The following TXNRD1 variants were observed in gnomAD, a reference collection of about 807,000 sequenced individuals.
TXNRD1 encodes the protein thioredoxin reductase 1, cytoplasmic.
Under a neutral mutation model 80.3 loss-of-function variants are expected in TXNRD1, and 57 were observed. That is an observed-to-expected ratio of 0.71 (90% CI 0.57 to 0.89). TXNRD1 has a LOEUF of 0.89. Among genes scored for constraint, TXNRD1 ranks in the 40% least tolerant of loss-of-function variants. The pLI, the probability that TXNRD1 is intolerant of heterozygous loss-of-function variation, is 0.00. For synonymous variants in TXNRD1, 291 were observed against 285.2 expected (o/e 1.02, Z -0.20); for missense variants, 730 against 803.0 (o/e 0.91, Z 1.10).
chr12:104,252,662 T>TCTATATATATATATATA (rs756948232), intron 2 of TXNRD1, among the ~76,000 whole-genome samples: 1 of 45,820 alleles, frequency 2.2e-5, no homozygotes, highest in African/African-American at 8.5e-5. Flanking sequence ...TTATTATTTT[T>TCTATATATATATATATA]TATATATATA....
intron 3 of TXNRD1, among the ~76,000 whole-genome samples, chr12:104,281,702 G>A (rs528063451): frequency 3.2e-4 from 48 of 151,768 alleles, no homozygotes; most frequent in East Asian, 9.7e-4. Context: ...CACCGAGCCC[G>A]GCCATATCTC....
chr12:104,253,520 G>A (rs926243505), intron 2 of TXNRD1, among the ~76,000 whole-genome samples: 1 of 152,150 alleles, frequency 6.6e-6, no homozygotes, highest in Non-Finnish European at 1.5e-5. Context: ...GAATTTAGAA[G>A]AGGGCTGGGC....
chr12:104,280,330 T>C (rs1478713541), intron 3 of TXNRD1: 1 of 152,242 alleles, frequency 6.6e-6, no homozygotes, highest in African/African-American at 2.4e-5. Context: ...TCTTCCTTTT[T>C]GGAGCACTTC....
chr12:104,233,660 T>G (rs1020708255), intron 1 of TXNRD1, among the ~76,000 whole-genome samples: 4 of 152,306 alleles, frequency 2.6e-5, no homozygotes, highest in African/African-American at 9.6e-5. Context: ...TAGCTGGGAT[T>G]ACAGGTGCCA....
chr12:104,330,901 T>A (rs572088162), intron 13 of TXNRD1, among the ~76,000 whole-genome samples: 82 of 152,274 alleles, frequency 5.4e-4, no homozygotes, highest in African/African-American at 1.9e-3. Context: ...ATTGGGATTT[T>A]TAAGCCATTC....
intron 16 of TXNRD1, among the ~76,000 whole-genome samples, chr12:104,346,384 A>G (rs572025743): frequency 1.3e-5 from 2 of 152,238 alleles, no homozygotes; most frequent in African/African-American, 2.4e-5. Context: ...AACAACATCA[A>G]TATGAGAAAA....
intron 14 of TXNRD1, among the ~76,000 whole-genome samples, chr12:104,332,745 G>A (rs761962140): frequency 9.3e-4 from 67 of 72,056 alleles, no homozygotes; most frequent in Non-Finnish European, 1.4e-3. Context: ...GAGAAACTCC[G>A]TCTCAAAAAA....
chr12:104,224,450 G>T (rs1025128450), intron 1 of TXNRD1, among the ~76,000 whole-genome samples: 2 of 152,056 alleles, frequency 1.3e-5, no homozygotes, highest in African/African-American at 4.8e-5. Context: ...GTGCAGTGGC[G>T]CAATCTCGGC....
intron 15 of TXNRD1, among the ~76,000 whole-genome samples, chr12:104,335,165 G>A (rs2036090757): frequency 1.3e-5 from 2 of 150,512 alleles, no homozygotes; most frequent in South Asian, 4.2e-4. Flanking sequence ...AACTGTCCAG[G>A]TGAATAAGAG....
intron 3 of TXNRD1, among the ~76,000 whole-genome samples, chr12:104,264,687 C>T (rs892448529): frequency 4.6e-5 from 7 of 152,130 alleles, no homozygotes; most frequent in African/African-American, 1.7e-4. Context: ...TCAATGACTA[C>T]AAAATAGTCC....
Position 104,311,414 on chromosome 12 carries a change from C to G in TXNRD1, c.537+2C>G, listed in dbSNP as rs1301002942. The stretch of plus-strand genomic sequence containing the variant: ...TCAGGAGGTCTGGCAGCTGCTAAGG[C>G]AAGGCTCCTTGTGTTGTCTGTTGTC... On this transcript the variant is annotated splice_donor_variant, in intron 5 of 16. Transcript: ENST00000525566. LOFTEE classifies it high-confidence loss of function. 1 of 1,612,758 alleles carries G rather than the reference C, an allele frequency of 6.2e-7. No homozygotes were observed.
At chr12:104,222,371 T>A (rs779243098) in intron 1 of TXNRD1, among the ~76,000 whole-genome samples, 6 of 151,986 alleles carry the variant, frequency 3.9e-5, no homozygotes, top group Non-Finnish European at 7.4e-5. Context: ...AAATATGATC[T>A]TGTACAGAAA....
Position 104,348,342 on chromosome 12 carries a change from T to C in TXNRD1, c.1882-11T>C, listed in dbSNP as rs1447124120. On this transcript the variant is annotated splice_polypyrimidine_tract_variant and intron_variant, in intron 16 of 16. Transcript: ENST00000525566. The stretch of plus-strand genomic sequence containing the variant: ...GCATCTGAAGATGTTGTGCTTTCTC[T>C]TCCCCTGCAGGTATTCACAACATTG... The C allele has an allele frequency of 3.7e-6, 6 of 1,613,866 alleles. No individual in the cohort carries two copies. Among genetic ancestry groups the C allele is most frequent in the Non-Finnish European group, 5.1e-6 (6 of 1,179,744 alleles).
chr12:104,235,254 G>A lies in TXNRD1; in HGVS notation c.92-16273G>A, dbSNP rs1006732813. ...GGGGTTGGACCGCACAATCTAAGCT[G>A]ATCCTGATTTGCTACTTGAAATGGA... is the stretch of plus-strand genomic sequence containing the variant. On this transcript the variant is annotated intron_variant, in intron 1 of 16. Coordinates refer to ENST00000525566, the MANE Select transcript of TXNRD1 (RefSeq NM_001093771.3). Among the ~76,000 whole-genome samples, 3 of 152,156 alleles carry A rather than the reference G, an allele frequency of 2.0e-5. No homozygotes were observed. In the South Asian group the frequency reaches 6.2e-4, roughly 32 times the overall value.
At chr12:104,240,173 A>G (rs1291519406) in intron 1 of TXNRD1, among the ~76,000 whole-genome samples, 2 of 152,134 alleles carry the variant, frequency 1.3e-5, no homozygotes, top group Non-Finnish European at 2.9e-5. Flanking sequence ...GGTATCTTTT[A>G]TTAAGTTTTA....
At chr12:104,223,198 A>G (rs1220805361) in intron 1 of TXNRD1, among the ~76,000 whole-genome samples, 3 of 152,188 alleles carry the variant, frequency 2.0e-5, no homozygotes, top group Non-Finnish European at 4.4e-5. Context: ...CCAAAATTCT[A>G]CTTTTTCAAG....
chr12:104,344,485 A>C (rs1350166897), intron 16 of TXNRD1, among the ~76,000 whole-genome samples: 1 of 152,132 alleles, frequency 6.6e-6, no homozygotes, highest in African/African-American at 2.4e-5. Context: ...ATAATTGTAC[A>C]TATTTATGGG....
At chr12:104,280,091 A>G (rs989801421) in intron 3 of TXNRD1, among the ~76,000 whole-genome samples, 1 of 147,062 alleles carries the variant, frequency 6.8e-6, no homozygotes, top group African/African-American at 2.6e-5. Flanking sequence ...AAATTCCTCT[A>G]TCCTACATCC....
intron 3 of TXNRD1, among the ~76,000 whole-genome samples, chr12:104,261,431 G>A (rs1447580719): frequency 1.3e-5 from 2 of 152,116 alleles, no homozygotes; most frequent in African/African-American, 4.8e-5. Flanking sequence ...CCAAAGTTCT[G>A]GGATTACAGG....
Sources: gnomAD v4.1 joint callset for allele counts (sites outside exome capture counted in the v4.1 genomes callset) on GRCh38, gnomAD v4.1.1 for gene constraint, MANE v1.5 for transcripts, NCBI Gene and HGNC (gene_info 2026-07-23, HGNC 2026-07-21) for gene names.